Variants in PLBD1 observed in about 807,000 individuals in gnomAD.
The protein encoded by PLBD1 is lysosomal leucine aminopeptidase.
In PLBD1, 60 loss-of-function variants were observed where a neutral mutation model predicts 63.0. The observed-to-expected ratio is 0.95, with a 90% CI of 0.77 to 1.18. The LOEUF is 1.18. PLBD1 is among the 50% of genes most tolerant of loss of function. The pLI, the probability that PLBD1 is intolerant of heterozygous loss-of-function variation, is 0.00. For missense variants in PLBD1, 598 were observed against 677.9 expected, an observed-to-expected ratio of 0.88 and a Z score of 1.31; for synonymous variants, 262 against 248.0, an observed-to-expected ratio of 1.06 and a Z score of -0.53.
chr12:14,506,675 C>T (rs947606303), intron 9 of PLBD1, among the ~76,000 whole-genome samples: 1 of 151,370 alleles, frequency 6.6e-6, no homozygotes, highest in African/African-American at 2.4e-5. Context: ...TTTAAAGGAC[C>T]CTCTATGAGT....
intron 5 of PLBD1, 145 bp from the exon 6 acceptor site, chr12:14,535,948 T>A: frequency 1.3e-6 from 1 of 771,942 alleles, no homozygotes; most frequent in Non-Finnish European, 2.0e-6. Flanking sequence ...GGCCAAGGAG[T>A]CAAGATTAAC....
intron 8 of PLBD1, among the ~76,000 whole-genome samples, chr12:14,507,395 A>T (rs575836885): frequency 6.6e-6 from 1 of 152,368 alleles, no homozygotes; most frequent in South Asian, 2.1e-4. Context: ...TTAATCTCTA[A>T]GCCAAAAAAC....
chr12:14,516,082 G>A (rs1320945621), intron 6 of PLBD1, among the ~76,000 whole-genome samples: 5 of 151,444 alleles, frequency 3.3e-5, no homozygotes, highest in African/African-American at 9.7e-5. Context: ...TGTAATCCCA[G>A]CACTTTGGGA....
intron 1 of PLBD1, among the ~76,000 whole-genome samples, chr12:14,567,306 G>C (rs1462184817): frequency 6.6e-6 from 1 of 152,248 alleles, no homozygotes; most frequent in African/African-American, 2.4e-5. Flanking sequence ...GGCTCTGTGG[G>C]CCAAGAATCG....
At chr12:14,512,440 A>T (rs1374404744) in intron 6 of PLBD1, among the ~76,000 whole-genome samples, 1 of 151,994 alleles carries the variant, frequency 6.6e-6, no homozygotes, top group East Asian at 1.9e-4. Context: ...GGGCCACCAC[A>T]CCCGGCTAAG....
chr12:14,542,652 G>A (rs1456272588), intron 2 of PLBD1, among the ~76,000 whole-genome samples: 1 of 152,134 alleles, frequency 6.6e-6, no homozygotes, highest in Non-Finnish European at 1.5e-5. Context: ...CTTCAGTCTT[G>A]AATCTGATTA....
chr12:14,557,307 T>C (rs1289041594), intron 1 of PLBD1, among the ~76,000 whole-genome samples: 2 of 152,172 alleles, frequency 1.3e-5, no homozygotes, highest in Admixed American at 6.5e-5. Context: ...ATCCCATTAC[T>C]GGGCATATAC....
chr12:14,557,779 G>A (rs1052717960), intron 1 of PLBD1, among the ~76,000 whole-genome samples: 2 of 152,062 alleles, frequency 1.3e-5, no homozygotes, highest in African/African-American at 4.8e-5. Context: ...TGACTCCTGT[G>A]ACACACATTT....
chr12:14,506,338 T>C lies in PLBD1; in HGVS notation c.1373-70A>G, dbSNP rs192458082. On this transcript the variant is annotated intron_variant, in intron 9 of 10. Transcript: ENST00000240617. ...AGACACACTTCTCCACAGTAAGGTT[T>C]TGAGGCCTGTTAAAGCCTAGATAAT... 73 of 1,130,918 alleles carry C rather than the reference T, an allele frequency of 6.5e-5. No homozygotes were observed. The African/African-American group carries it at 7.1e-4, about 11-fold the overall frequency. The allele number at this position is 1,130,918 out of a possible 1,614,324, so 70.1% of individuals were successfully genotyped here.
intron 1 of PLBD1, chr12:14,554,035 C>T (rs1945681664): frequency 6.5e-6 from 1 of 153,872 alleles, no homozygotes; most frequent in African/African-American, 2.4e-5. Context: ...TTCTTCCATT[C>T]CCCTTAACAG....
In PLBD1 at chr12:14,511,234, T is replaced by C. The variant is rs772605033; in HGVS notation, c.1186+26A>G. The C allele has an allele frequency of 3.9e-6, 6 of 1,555,740 alleles. No homozygotes were observed. The African/African-American group carries it at 6.8e-5, about 18-fold the overall frequency. ...GAACACACACATACTCATCAGGTTT[T>C]AAGACTTACGACATGAAGAAAGTAC... is the stretch of plus-strand genomic sequence containing the variant. On this transcript the variant is annotated intron_variant, in intron 8 of 10. Coordinates refer to ENST00000240617, the MANE Select transcript of PLBD1 (RefSeq NM_024829.6).
chr12:14,526,925 T>C (rs1463612028), intron 6 of PLBD1, among the ~76,000 whole-genome samples: 1 of 152,104 alleles, frequency 6.6e-6, no homozygotes, highest in East Asian at 1.9e-4. Context: ...TGAGCTAAGA[T>C]TGCACCATTG....
rs1414125545 is a variant in PLBD1, at chr12:14,553,409, A to G, written c.119T>C (p.Val40Ala). The G allele has an allele frequency of 1.2e-6, 2 of 1,612,764 alleles. No homozygotes were observed. The highest frequency in any genetic ancestry group is 1.7e-6 in the Non-Finnish European group (2 of 1,178,960). ...VTAEPPKPAG[V>A]YYATAYWMPA... is the part of the protein sequence containing the mutation. ...CATCCAGTATGCAGTTGCATAGTAG[A>G]CTCCTAGAAGAAAAGGGAATAATGA... Residue 40 changes from valine (V) to alanine (A), a missense_variant, in exon 2 of 11, where the codon GTC (valine) becomes GCC (alanine). By Grantham distance (64) the Val-to-Ala change is moderately conservative. Coordinates refer to ENST00000240617, the MANE Select transcript of PLBD1 (RefSeq NM_024829.6).
At chr12:14,560,587 GTC>G (rs1018792096) in intron 1 of PLBD1, among the ~76,000 whole-genome samples, 11 of 152,262 alleles carry the variant, frequency 7.2e-5, no homozygotes, top group African/African-American at 2.6e-4. Context: ...TCTTTGAAAG[GTC>G]TCTCAGTAAA....
At chr12:14,518,641 T>A (rs2136909871) in intron 6 of PLBD1, among the ~76,000 whole-genome samples, 1 of 152,346 alleles carries the variant, frequency 6.6e-6, no homozygotes, top group Middle Eastern at 3.4e-3. Flanking sequence ...CACATCAAAG[T>A]GGACATAATC....
intron 3 of PLBD1, among the ~76,000 whole-genome samples, chr12:14,541,360 G>A (rs1488806107): frequency 2.6e-5 from 4 of 152,198 alleles, no homozygotes; most frequent in South Asian, 2.1e-4. Flanking sequence ...CAGATCATTT[G>A]CATAGCTTAT....
chr12:14,555,568 G>A (rs375848023), intron 1 of PLBD1, among the ~76,000 whole-genome samples: 1 of 152,124 alleles, frequency 6.6e-6, no homozygotes, highest in East Asian at 1.9e-4. Flanking sequence ...AAAACAAAAA[G>A]TTTTGCTTCC....
At chr12:14,524,783 C>T (rs1428931836) in intron 6 of PLBD1, among the ~76,000 whole-genome samples, 5 of 152,078 alleles carry the variant, frequency 3.3e-5, no homozygotes, top group Admixed American at 6.5e-5. Flanking sequence ...TTGGGTTTAG[C>T]GGACAAAGAC....
In PLBD1 at chr12:14,536,632, T is replaced by C; in HGVS notation, c.637A>G (p.Lys213Glu). The C allele has an allele frequency of 3.7e-6, 6 of 1,614,202 alleles. No homozygotes were observed. The highest frequency in any genetic ancestry group is 4.2e-6 in the Non-Finnish European group (5 of 1,180,034). Residue 213 changes from lysine (K) to glutamate (E), a missense_variant, in exon 5 of 11, where the codon AAA becomes GAA. Lys to Glu is a moderately conservative substitution (Grantham distance 56, BLOSUM62 1). Transcript: ENST00000240617. Reference sequence around the variant, plus strand: ...TTAAAAACCTTTAGGCTGCCGTTTTTTGTGGGAGAGAGTGAGGGAATCAGA... The same window carrying C: ...TTAAAAACCTTTAGGCTGCCGTTTTCTGTGGGAGAGAGTGAGGGAATCAGA... ...LDLIPSLSPT[K>E]NGSLKVFKRW...
Sources: allele counts gnomAD v4.1 joint callset (sites outside exome capture counted in the v4.1 genomes callset), GRCh38; gene constraint gnomAD v4.1.1; transcripts MANE v1.5; gene names NCBI Gene and HGNC (gene_info 2026-07-23, HGNC 2026-07-21).